ERC2: variants seen among roughly 807,000 people sequenced by gnomAD.
ERC2 encodes the protein ERC protein 2.
A neutral mutation model predicts 114.8 loss-of-function variants in ERC2; 42 were observed. The ratio of observed to expected loss-of-function variants is 0.37; its 90% confidence interval spans 0.29 to 0.47. The LOEUF is 0.47. Among genes scored for constraint, ERC2 ranks in the 20% least tolerant of loss-of-function variants. ERC2 has a pLI of 0.99. For missense variants in ERC2, 939 were observed against 1,150.7 expected, an observed-to-expected ratio of 0.82 and a Z score of 2.66; for synonymous variants, 454 against 425.5, an observed-to-expected ratio of 1.07 and a Z score of -0.82.
At chr3:56,324,654 A>G (rs1378257833) in intron 2 of ERC2, among the ~76,000 whole-genome samples, 1 of 152,162 alleles carries the variant, frequency 6.6e-6, no homozygotes, top group Non-Finnish European at 1.5e-5. Context: ...GCCTTTGGTC[A>G]CAATGGAAAC....
At chr3:56,076,880 T>C (rs1392115873) in intron 7 of ERC2, among the ~76,000 whole-genome samples, 2 of 152,126 alleles carry the variant, frequency 1.3e-5, no homozygotes, top group African/African-American at 4.8e-5. Flanking sequence ...CTGACAGATA[T>C]GAAATGCAAG....
At chr3:56,108,169 T>C (rs2078769943) in intron 6 of ERC2, among the ~76,000 whole-genome samples, 1 of 152,176 alleles carries the variant, frequency 6.6e-6, no homozygotes, top group Admixed American at 6.6e-5. Flanking sequence ...GATATTAAAG[T>C]ATTATTTAGT....
At chr3:55,584,522 A>G (rs2057494422) in intron 17 of ERC2, among the ~76,000 whole-genome samples, 1 of 151,976 alleles carries the variant, frequency 6.6e-6, no homozygotes, top group Admixed American at 6.6e-5. Flanking sequence ...ATGAGGTTCT[A>G]TAATCACACC....
At chr3:55,714,663 G>GTATATATATATA (rs2063983166) in intron 15 of ERC2, among the ~76,000 whole-genome samples, 5 of 92,216 alleles carry the variant, frequency 5.4e-5, no homozygotes, top group African/African-American at 1.9e-4. Flanking sequence ...GTGTGTGTGT[G>GTATATATATATA]TGTGTATATA....
At chr3:55,997,922 G>GTTTTT (rs1559997200) in intron 10 of ERC2, among the ~76,000 whole-genome samples, 3 of 36,092 alleles carry the variant, frequency 8.3e-5, no homozygotes, top group Non-Finnish European at 1.0e-4. Flanking sequence ...GTGTGTGTGT[G>GTTTTT]TTTTTTGTTT....
chr3:55,675,865 G>A (rs1404660301), intron 17 of ERC2, among the ~76,000 whole-genome samples: 4 of 122,378 alleles, frequency 3.3e-5, no homozygotes, highest in African/African-American at 6.2e-5. Context: ...GCCCTGCATC[G>A]TTTAAAAACC....
chr3:55,836,906 A>G (rs1029645984), intron 14 of ERC2, among the ~76,000 whole-genome samples: 2 of 152,226 alleles, frequency 1.3e-5, no homozygotes, highest in African/African-American at 2.4e-5. Context: ...ACAAATTTAC[A>G]AGAAAAAAAC....
chr3:56,254,883 A>G (rs2150243102), intron 3 of ERC2, among the ~76,000 whole-genome samples: 1 of 152,354 alleles, frequency 6.6e-6, no homozygotes, highest in Admixed American at 6.5e-5. Context: ...TAGTCAAAGA[A>G]TATAGTTTAG....
intron 3 of ERC2, among the ~76,000 whole-genome samples, chr3:56,245,083 G>A (rs1229178174): frequency 6.6e-6 from 1 of 152,026 alleles, no homozygotes; most frequent in East Asian, 1.9e-4. Flanking sequence ...ATAGGTTTGT[G>A]TAAGTATACT....
At chr3:56,215,406 A>T (rs1444945990) in intron 3 of ERC2, among the ~76,000 whole-genome samples, 1 of 152,258 alleles carries the variant, frequency 6.6e-6, no homozygotes, top group South Asian at 2.1e-4. Flanking sequence ...AGGCCATTAC[A>T]TAATGGTAAA....
At chr3:55,593,407 A>G (rs1392377245) in intron 17 of ERC2, among the ~76,000 whole-genome samples, 1 of 152,154 alleles carries the variant, frequency 6.6e-6, no homozygotes, top group Non-Finnish European at 1.5e-5. Flanking sequence ...AGGATGAAAC[A>G]ATGTACACAC....
intron 7 of ERC2, among the ~76,000 whole-genome samples, chr3:56,044,763 T>C (rs1560080127): frequency 6.6e-6 from 1 of 152,150 alleles, no homozygotes; most frequent in East Asian, 1.9e-4. Context: ...GGTTCATTTT[T>C]GGACTCTTGC....
At chr3:56,120,298 ATT>A (rs962278060) in intron 6 of ERC2, among the ~76,000 whole-genome samples, 21 of 152,168 alleles carry the variant, frequency 1.4e-4, no homozygotes, top group African/African-American at 5.1e-4. Context: ...AGTTTCTCTG[ATT>A]TATGAAACCC....
At chr3:56,170,590 T>TTTTTTG (rs1159506343) in intron 4 of ERC2, among the ~76,000 whole-genome samples, 2,341 of 30,218 alleles carry the variant, frequency 0.077, 91 homozygotes, top group South Asian at 0.16. Context: ...CTTCTGTTTT[T>TTTTTTG]TTTTTTTTTT....
chr3:56,306,534 C>T (rs2056235881), intron 2 of ERC2, among the ~76,000 whole-genome samples: 1 of 152,136 alleles, frequency 6.6e-6, no homozygotes, highest in South Asian at 2.1e-4. Context: ...AGACAAGGTT[C>T]AAGGGCATGA....
intron 14 of ERC2, among the ~76,000 whole-genome samples, chr3:55,801,520 A>C (rs112685664): frequency 6.6e-6 from 1 of 152,232 alleles, no homozygotes; most frequent in African/African-American, 2.4e-5. Flanking sequence ...AGAAATATTA[A>C]TCCAGCTTAG....
At chr3:55,601,006 T>C (rs2058376041) in intron 17 of ERC2, among the ~76,000 whole-genome samples, 2 of 152,214 alleles carry the variant, frequency 1.3e-5, no homozygotes, top group Non-Finnish European at 2.9e-5. Context: ...GGCCCTCTTC[T>C]GCAGTGCCAA....
chr3:56,281,229 A>G (rs2054318986), intron 3 of ERC2, among the ~76,000 whole-genome samples: 1 of 151,780 alleles, frequency 6.6e-6, no homozygotes, highest in Non-Finnish European at 1.5e-5. Context: ...CGAGGTCAGG[A>G]GATCGAGACC....
intron 1 of ERC2, among the ~76,000 whole-genome samples, chr3:56,446,611 C>A (rs1216121557): frequency 1.1e-4 from 13 of 120,218 alleles, no homozygotes; most frequent in Admixed American, 7.8e-4. Context: ...GCATTTTCTT[C>A]TTTTTTTTTT....
Sources: allele counts gnomAD v4.1 joint callset (sites outside exome capture counted in the v4.1 genomes callset), GRCh38; gene constraint gnomAD v4.1.1; transcripts MANE v1.5; gene names NCBI Gene and HGNC (gene_info 2026-07-23, HGNC 2026-07-21).